Variants in CUX1 observed in about 807,000 individuals in gnomAD.
CUX1 encodes cut like homeobox 1, also known as protein CASP.
In CUX1, 31 loss-of-function variants were observed where a neutral mutation model predicts 158.8. The ratio of observed to expected loss-of-function variants is 0.20; its 90% CI spans 0.15 to 0.26. The LOEUF (loss-of-function observed/expected upper bound fraction) is 0.26. CUX1 is among the 10% of genes least tolerant of loss of function. The pLI is 1.00. For missense variants in CUX1, 1,589 were observed against 2,014.6 expected (o/e 0.79, Z 4.04); for synonymous variants, 879 against 862.1 (o/e 1.02, Z -0.34).
chr7:102,088,157 C>G (rs566709381), intron 4 of CUX1, among the ~76,000 whole-genome samples: 6 of 152,076 alleles, frequency 3.9e-5, no homozygotes, highest in Non-Finnish European at 8.8e-5. Context: ...GCCACCATGC[C>G]TGGCTAATTT....
chr7:102,111,597 C>CAGCTGAGCGCAGGGAGGG (rs1554490062), intron 6 of CUX1, 101 bp from the exon 7 acceptor site: 4 of 1,108,506 alleles, frequency 3.6e-6, no homozygotes, highest in Non-Finnish European at 5.5e-6. Context: ...CGCCTGCCGC[C>CAGCTGAGCGCAGGGAGGG]AGCTGAGCGC....
chr7:102,168,653 A>AC (rs1335459866), intron 9 of CUX1, among the ~76,000 whole-genome samples: 4 of 151,508 alleles, frequency 2.6e-5, no homozygotes, highest in African/African-American at 9.7e-5. Flanking sequence ...CAAAAAAAAA[A>AC]AAAAAAAAAA....
In CUX1 at chr7:102,258,070, C is replaced by CCTCT; in HGVS notation, c.*9029_*9032dup. The CCTCT allele has an allele frequency of 1.0e-6, 1 of 985,164 alleles. No homozygotes were observed. The highest frequency in any genetic ancestry group is 1.2e-6 in the Non-Finnish European group (1 of 829,884). 61.0% of individuals were successfully genotyped at this position (985,164 alleles called of 1,614,324 possible). A position where few individuals can be genotyped will look rare whatever the true frequency, so the allele number is the denominator to read the frequency against. ...CACCCGTCGGCCCCTTGGTGTTGTC[C>CCTCT]CTCTGTCTTTGGTTAGCCATACGAT... On this transcript the variant is annotated 3_prime_UTR_variant, in exon 24 of 24. Coordinates refer to ENST00000292535, the MANE Select transcript of CUX1 (RefSeq NM_181552.4).
chr7:102,051,477 G>A (rs1408206940), intron 3 of CUX1, among the ~76,000 whole-genome samples: 2 of 151,892 alleles, frequency 1.3e-5, no homozygotes, highest in Non-Finnish European at 1.5e-5. Flanking sequence ...TTGAAAGCCC[G>A]TCTTTACCAA....
chr7:101,839,924 G>C (rs1795037913), intron 1 of CUX1, among the ~76,000 whole-genome samples: 1 of 152,066 alleles, frequency 6.6e-6, no homozygotes, highest in Non-Finnish European at 1.5e-5. Context: ...ACCACACCTG[G>C]CTAATTTTTG....
intron 1 of CUX1, among the ~76,000 whole-genome samples, chr7:101,855,608 G>A (rs1183596482): frequency 6.6e-6 from 1 of 152,074 alleles, no homozygotes; most frequent in Admixed American, 6.5e-5. Flanking sequence ...GGCCGGGCGC[G>A]GTGGCTCATG....
At chr7:101,953,005 G>T (rs1809283360) in intron 2 of CUX1, among the ~76,000 whole-genome samples, 1 of 152,202 alleles carries the variant, frequency 6.6e-6, no homozygotes, top group Admixed American at 6.5e-5. Flanking sequence ...AGGAGCAGAG[G>T]GACCCCTTCG....
At chr7:101,967,021 T>A (rs933676209) in intron 2 of CUX1, among the ~76,000 whole-genome samples, 2 of 152,042 alleles carry the variant, frequency 1.3e-5, no homozygotes, top group Admixed American at 6.6e-5. Flanking sequence ...TTTATTTTAT[T>A]TTATTTTGGT....
intron 2 of CUX1, among the ~76,000 whole-genome samples, chr7:101,997,576 T>C (rs1391398191): frequency 6.6e-6 from 1 of 152,076 alleles, no homozygotes; most frequent in East Asian, 1.9e-4. Flanking sequence ...ACTTCTGAAC[T>C]CAAATGATCC....
Position 102,254,455 on chromosome 7 carries a change from A to C in CUX1, c.*5413A>C. On this transcript the variant is annotated 3_prime_UTR_variant, in exon 24 of 24. Coordinates refer to ENST00000292535, the MANE Select transcript of CUX1 (RefSeq NM_181552.4). ...CCTCCAGCCTACACGCCCCGTCCAC[A>C]GTGGCATCACCCTCTTATCCCAAAA... is the stretch of plus-strand genomic sequence containing the variant. The C allele has an allele frequency of 1.0e-6, 1 of 985,530 alleles. No homozygotes were observed. Among genetic ancestry groups the C allele is most frequent in the Non-Finnish European group, 1.2e-6 (1 of 829,982 alleles). 61.0% of individuals were successfully genotyped at this position (985,530 alleles called of 1,614,324 possible).
chr7:101,830,922 A>C (rs1042881419), intron 1 of CUX1, among the ~76,000 whole-genome samples: 5 of 151,960 alleles, frequency 3.3e-5, no homozygotes, highest in African/African-American at 1.2e-4. Flanking sequence ...GGGGTGATTC[A>C]TTTTTTTCAT....
chr7:102,153,489 TTGC>T (rs1835919326), intron 8 of CUX1: 1 of 152,256 alleles, frequency 6.6e-6, no homozygotes. Context: ...TGTCCTCCTG[TTGC>T]TGCTGCTCCC....
At position 102,111,746 on chromosome 7, in the gene CUX1, T is replaced by C. The variant is rs971948543; in HGVS notation, c.579T>C (p.Ala193=). 6.2e-7 allele frequency: 1 copy of C among 1,614,198 alleles called. No individual in the cohort carries two copies. The highest frequency in any genetic ancestry group is 8.5e-7 in the Non-Finnish European group (1 of 1,180,006). ...QMSTTSKLEE[A]EHKVQSLQTA... is the part of the protein sequence containing the mutation. ...CCACCACCTCAAAGCTGGAGGAAGCTGAGCATAAGGTTCAGAGCCTACAAA... is the reference window on the plus strand; with the variant it reads ...CCACCACCTCAAAGCTGGAGGAAGCCGAGCATAAGGTTCAGAGCCTACAAA... Residue 193 remains alanine (A), a synonymous_variant, in exon 7 of 24, where the codon GCT becomes GCC. Coordinates refer to ENST00000292535, the MANE Select transcript of CUX1 (RefSeq NM_181552.4).
At chr7:102,036,345 A>C (rs1434510078) in intron 3 of CUX1, among the ~76,000 whole-genome samples, 1 of 152,218 alleles carries the variant, frequency 6.6e-6, no homozygotes, top group Admixed American at 6.5e-5. Context: ...AGTGAAGATA[A>C]TACTGAACCA....
At chr7:102,117,397 CAAA>C (rs10633602) in intron 8 of CUX1, among the ~76,000 whole-genome samples, 1 of 46,666 alleles carries the variant, frequency 2.1e-5, no homozygotes, top group Non-Finnish European at 3.6e-5. Context: ...GACTCCATCG[CAAA>C]AAAAAAAAAA....
chr7:102,001,828 C>T (rs996921670), intron 2 of CUX1, among the ~76,000 whole-genome samples: 2 of 152,180 alleles, frequency 1.3e-5, no homozygotes, highest in African/African-American at 2.4e-5. Context: ...CAGGTGTGCT[C>T]GAAGCAGCAA....
In CUX1 at chr7:101,833,562, TAAAAAAAAAAA is replaced by T. The variant is rs534986714; in HGVS notation, c.30+15907_30+15917del. Among the ~76,000 whole-genome samples, 10 of 75,812 alleles carry T rather than the reference TAAAAAAAAAAA, an allele frequency of 1.3e-4. No individual in the cohort carries two copies. The East Asian group carries it at 3.2e-3, about 24-fold the overall frequency. The allele number at this position is 75,812 out of a possible 152,430, so 49.7% of individuals were successfully genotyped here. ...AGAGCAAGAGGAAGACTCTGTCTCT[TAAAAAAAAAAA>T]AAAAAAAAAAAAAGAATCCAAAAGC... On this transcript the variant is annotated intron_variant, in intron 1 of 23. Coordinates refer to ENST00000292535, the MANE Select transcript of CUX1 (RefSeq NM_181552.4).
At position 102,041,256 on chromosome 7, in the gene CUX1, CTTTT is replaced by C. The variant is rs11427183; in HGVS notation, c.189+13135_189+13138del. Among the ~76,000 whole-genome samples, 119 of 69,904 alleles carry C rather than the reference CTTTT, an allele frequency of 1.7e-3. 1 individual carries two copies. The highest frequency in any genetic ancestry group is 5.2e-3 in the African/African-American group (100 of 19,104). 45.9% of individuals were successfully genotyped at this position (69,904 alleles called of 152,430 possible). A position where few individuals can be genotyped will look rare whatever the true frequency, so the allele number is the denominator to read the frequency against. Reference sequence around the variant, plus strand: ...GGGAGATTGTCACCTCTTATCCATTCTTTTTTTTTTTTTTTTTTTTTTTTTTTGA... The same window carrying C: ...GGGAGATTGTCACCTCTTATCCATTCTTTTTTTTTTTTTTTTTTTTTTTGA... On this transcript the variant is annotated intron_variant, in intron 3 of 23. Coordinates refer to ENST00000292535, the MANE Select transcript of CUX1 (RefSeq NM_181552.4).
At chr7:102,225,024 G>A (rs1445499722) in intron 20 of CUX1, among the ~76,000 whole-genome samples, 2 of 152,158 alleles carry the variant, frequency 1.3e-5, no homozygotes, top group Non-Finnish European at 2.9e-5. Context: ...TTCCTCTGCC[G>A]GCTTCAGACA....
Sources: gnomAD v4.1 joint callset for allele counts (sites outside exome capture counted in the v4.1 genomes callset) on GRCh38, gnomAD v4.1.1 for gene constraint, MANE v1.5 for transcripts, NCBI Gene and HGNC (gene_info 2026-07-23, HGNC 2026-07-21) for gene names.